KAZN: variants seen among roughly 807,000 people sequenced by gnomAD.
KAZN encodes the protein kazrin.
In KAZN, 40 loss-of-function variants were observed where a neutral mutation model predicts 87.4. That is an observed-to-expected ratio of 0.46 (90% confidence interval 0.36 to 0.60). KAZN has a LOEUF of 0.60. Among genes scored for constraint, KAZN ranks in the 20% least tolerant of loss-of-function variants. The pLI is 0.00. For synonymous variants in KAZN, 466 were observed against 458.3 expected, an observed-to-expected ratio of 1.02 and a Z score of -0.22; for missense variants, 898 against 1,073.9, an observed-to-expected ratio of 0.84 and a Z score of 2.29.
chr1:14,650,304 C>T (rs917308283), intron 1 of KAZN, among the ~76,000 whole-genome samples: 25 of 152,134 alleles, frequency 1.6e-4, no homozygotes, highest in African/African-American at 5.8e-4. Flanking sequence ...CCTGTAATCC[C>T]AGCACTTTGG....
At chr1:14,055,021 C>G (rs1311563451) in intron 1 of KAZN, among the ~76,000 whole-genome samples, 1 of 152,146 alleles carries the variant, frequency 6.6e-6, no homozygotes, top group East Asian at 1.9e-4. Context: ...TCTATGGCCT[C>G]TACTCACTAG....
At chr1:15,090,406 T>A (rs1640477629) in intron 8 of KAZN, among the ~76,000 whole-genome samples, 1 of 152,230 alleles carries the variant, frequency 6.6e-6, no homozygotes, top group Admixed American at 6.5e-5. Context: ...TCAGTGCCTG[T>A]TCCAATCCCT....
intron 1 of KAZN, among the ~76,000 whole-genome samples, chr1:14,703,955 G>A (rs1045070945): frequency 2.8e-4 from 42 of 152,246 alleles, no homozygotes; most frequent in Non-Finnish European, 8.8e-5. Flanking sequence ...AGGGCCAGGA[G>A]AATGTGGCTT....
rs1335129182 is a variant in KAZN at position 15,061,369 on chromosome 1, T to A, written c.1047+1067T>A. ...AAGTGCTTATAAAAATAGCTAAGAG[T>A]AAACTTCAGAGAAGCTGCCTCAGTC... is the stretch of plus-strand genomic sequence containing the variant. On this transcript the variant is annotated intron_variant, in intron 6 of 14. Transcript: ENST00000376030. 4 of 152,134 alleles carry A rather than the reference T, an allele frequency of 2.6e-5. No individual in the cohort carries two copies. In the East Asian group the frequency reaches 7.7e-4, roughly 29 times the overall value. The allele number at this position is 152,134 out of a possible 1,614,324, so 9.4% of individuals were successfully genotyped here.
intron 1 of KAZN, among the ~76,000 whole-genome samples, chr1:13,931,137 ATC>A (rs1397773630): frequency 6.6e-6 from 1 of 152,222 alleles, no homozygotes. Flanking sequence ...AGGGTCATTT[ATC>A]TCTGTTCATG....
chr1:14,972,453 C>A (rs995671169), intron 2 of KAZN, among the ~76,000 whole-genome samples: 1 of 152,034 alleles, frequency 6.6e-6, no homozygotes, highest in Non-Finnish European at 1.5e-5. Context: ...CAGGCCTTGA[C>A]CCTGATTCAC....
At chr1:14,199,953 G>T (rs1376552956) in intron 2 of KAZN, among the ~76,000 whole-genome samples, 1 of 151,838 alleles carries the variant, frequency 6.6e-6, no homozygotes, top group African/African-American at 2.4e-5. Context: ...TAGAAAGAGC[G>T]CTACTGAAAT....
At chr1:14,557,280 C>T (rs1673941965) in intron 2 of KAZN, among the ~76,000 whole-genome samples, 1 of 152,138 alleles carries the variant, frequency 6.6e-6, no homozygotes, top group African/African-American at 2.4e-5. Flanking sequence ...AATGGCCAAA[C>T]CTTTGTGCAT....
At chr1:14,741,105 A>G (rs1644085929) in intron 1 of KAZN, among the ~76,000 whole-genome samples, 1 of 152,206 alleles carries the variant, frequency 6.6e-6, no homozygotes, top group South Asian at 2.1e-4. Context: ...CTGACCAAGC[A>G]CTTGTCCCAA....
chr1:14,363,380 C>A (rs979169714), intron 2 of KAZN, among the ~76,000 whole-genome samples: 1 of 152,086 alleles, frequency 6.6e-6, no homozygotes, highest in Non-Finnish European at 1.5e-5. Context: ...AGGCTCACAC[C>A]CACCCACCCT....
At chr1:15,086,147 T>C (rs1014325386) in intron 8 of KAZN, among the ~76,000 whole-genome samples, 2 of 152,070 alleles carry the variant, frequency 1.3e-5, no homozygotes, top group Non-Finnish European at 2.9e-5. Flanking sequence ...ATTTTGGTAT[T>C]TTTAGTAGAG....
At chr1:14,272,295 C>A (rs1458683040) in intron 2 of KAZN, among the ~76,000 whole-genome samples, 1 of 152,138 alleles carries the variant, frequency 6.6e-6, no homozygotes, top group African/African-American at 2.4e-5. Flanking sequence ...ATATATTCTC[C>A]TCCTGGCGAT....
chr1:14,588,809 G>T (rs990593160), intron 2 of KAZN, among the ~76,000 whole-genome samples: 1 of 152,204 alleles, frequency 6.6e-6, no homozygotes, highest in African/African-American at 2.4e-5. Flanking sequence ...CTCCCTCGGG[G>T]TTCCTCACTG....
At chr1:14,040,102 A>G (rs1641743333) in intron 1 of KAZN, among the ~76,000 whole-genome samples, 1 of 144,128 alleles carries the variant, frequency 6.9e-6, no homozygotes. Context: ...AGAGAGAGAG[A>G]GACAGAGAGA....
intron 1 of KAZN, among the ~76,000 whole-genome samples, chr1:14,728,250 C>T (rs1453126325): frequency 1.4e-5 from 2 of 140,798 alleles, no homozygotes; most frequent in African/African-American, 2.7e-5. Context: ...TGTGCCACTG[C>T]ACTCTAGCCT....
chr1:15,032,008 C>T (rs1671759386), intron 2 of KAZN, among the ~76,000 whole-genome samples: 1 of 151,968 alleles, frequency 6.6e-6, no homozygotes, highest in South Asian at 2.1e-4. Flanking sequence ...TTAGTATGTT[C>T]ACAGAGTTAT....
At chr1:14,281,944 C>G (rs1319849647) in intron 2 of KAZN, among the ~76,000 whole-genome samples, 1 of 152,154 alleles carries the variant, frequency 6.6e-6, no homozygotes, top group Non-Finnish European at 1.5e-5. Context: ...CCAGGAAGAG[C>G]TGATGACCCC....
intron 2 of KAZN, among the ~76,000 whole-genome samples, chr1:14,479,490 G>A (rs1052101531): frequency 1.3e-5 from 2 of 152,162 alleles, no homozygotes; most frequent in Non-Finnish European, 2.9e-5. Flanking sequence ...CCTGCTAGTG[G>A]TTTGCTCTCT....
intron 1 of KAZN, among the ~76,000 whole-genome samples, chr1:14,103,501 G>A (rs1644304346): frequency 6.6e-6 from 1 of 152,104 alleles, no homozygotes; most frequent in South Asian, 2.1e-4. Context: ...GCCTCACTGG[G>A]CTGAATCAAA....
Sources: allele counts gnomAD v4.1 joint callset (sites outside exome capture counted in the v4.1 genomes callset), GRCh38; gene constraint gnomAD v4.1.1; transcripts MANE v1.5; gene names NCBI Gene and HGNC (gene_info 2026-07-23, HGNC 2026-07-21).